The following PTPRM variants were observed in gnomAD, a reference collection of about 807,000 sequenced individuals.
PTPRM encodes the protein receptor-type tyrosine-protein phosphatase mu.
Under a neutral mutation model 186.7 loss-of-function variants are expected in PTPRM, and 47 were observed. The observed-to-expected ratio is 0.25, with a 90% CI of 0.20 to 0.32. PTPRM has a LOEUF of 0.32. Ranked by LOEUF, PTPRM falls within the 10% of genes least tolerant of loss-of-function variation. PTPRM has a pLI of 1.00. For missense variants in PTPRM, 1,494 were observed against 1,865.0 expected (o/e 0.80, Z 3.66); for synonymous variants, 668 against 674.9 (o/e 0.99, Z 0.16).
At chr18:7,956,517 G>A (rs911295754) in intron 7 of PTPRM, among the ~76,000 whole-genome samples, 1 of 152,176 alleles carries the variant, frequency 6.6e-6, no homozygotes, top group Non-Finnish European at 1.5e-5. Flanking sequence ...TGAGTACAGG[G>A]ACTGGCCTGG....
At chr18:7,580,666 A>G (rs1253278129) in intron 1 of PTPRM, among the ~76,000 whole-genome samples, 1 of 152,154 alleles carries the variant, frequency 6.6e-6, no homozygotes, top group Non-Finnish European at 1.5e-5. Context: ...ATTGCCCCCC[A>G]TTTACAAATA....
At chr18:7,899,608 G>A (rs986740515) in intron 3 of PTPRM, among the ~76,000 whole-genome samples, 8 of 152,116 alleles carry the variant, frequency 5.3e-5, no homozygotes, top group African/African-American at 1.9e-4. Flanking sequence ...TCCTAAAAAT[G>A]TTTGTTTCAG....
intron 1 of PTPRM, among the ~76,000 whole-genome samples, chr18:7,703,927 T>C (rs2040020242): frequency 6.6e-6 from 1 of 152,220 alleles, no homozygotes; most frequent in South Asian, 2.1e-4. Context: ...TCTTTTGATA[T>C]AATCATGTGG....
intron 2 of PTPRM, among the ~76,000 whole-genome samples, chr18:7,867,066 C>G (rs1043030582): frequency 5.3e-5 from 8 of 152,106 alleles, no homozygotes; most frequent in African/African-American, 1.4e-4. Context: ...ATTCCTCCAT[C>G]CCTTTATTTT....
In PTPRM at chr18:7,980,317, C is replaced by T. The variant is rs373775882; in HGVS notation, c.1132+24903C>T. On this transcript the variant is annotated intron_variant, in intron 7 of 32. Coordinates refer to ENST00000580170, the MANE Select transcript of PTPRM (RefSeq NM_001105244.2). The stretch of plus-strand genomic sequence containing the variant: ...CCTAGCCTCAGCCACTACTATGGCT[C>T]CTTATTGCACCCATGTTCACTCTGC... Among the ~76,000 whole-genome samples the T allele has an allele frequency of 1.5e-3, 225 of 152,200 alleles. 1 individual carries two copies. The highest frequency in any genetic ancestry group is 5.3e-3 in the African/African-American group (220 of 41,532).
chr18:8,266,824 C>T (rs2094706310), intron 19 of PTPRM, among the ~76,000 whole-genome samples: 1 of 152,028 alleles, frequency 6.6e-6, no homozygotes, highest in African/African-American at 2.4e-5. Context: ...AGGAGAATTG[C>T]TTGAACCCAG....
chr18:8,001,870 T>C, intron 7 of PTPRM, among the ~76,000 whole-genome samples: 1 of 152,208 alleles, frequency 6.6e-6, no homozygotes. Context: ...ATTCTACCAA[T>C]GTTAAGACAT....
chr18:7,851,860 A>C (rs369713077), intron 2 of PTPRM, among the ~76,000 whole-genome samples: 69 of 152,296 alleles, frequency 4.5e-4, no homozygotes, highest in African/African-American at 1.5e-3. Flanking sequence ...TAGAGATTTA[A>C]AATATGTGAC....
chr18:7,930,542 A>G (rs947134756), intron 5 of PTPRM, among the ~76,000 whole-genome samples: 2 of 152,182 alleles, frequency 1.3e-5, no homozygotes, highest in South Asian at 4.1e-4. Flanking sequence ...TGGCAATAAT[A>G]CAACTCTGTT....
At chr18:8,048,396 C>T (rs1380750421) in intron 7 of PTPRM, among the ~76,000 whole-genome samples, 1 of 151,244 alleles carries the variant, frequency 6.6e-6, no homozygotes, top group Non-Finnish European at 1.5e-5. Flanking sequence ...TTTTCCATAG[C>T]ATACCTCCTC....
intron 5 of PTPRM, among the ~76,000 whole-genome samples, chr18:7,947,946 TC>T (rs1180237381): frequency 1.3e-5 from 2 of 152,146 alleles, no homozygotes; most frequent in East Asian, 3.8e-4. Context: ...GATCATGCTA[TC>T]TTGACATAGT....
At chr18:8,361,998 A>G (rs754987067) in intron 23 of PTPRM, among the ~76,000 whole-genome samples, 3 of 152,186 alleles carry the variant, frequency 2.0e-5, no homozygotes, top group Non-Finnish European at 4.4e-5. Context: ...CATCTTGGCA[A>G]CTTGGGAGAC....
intron 1 of PTPRM, among the ~76,000 whole-genome samples, chr18:7,689,616 G>C (rs920778622): frequency 6.6e-6 from 1 of 152,172 alleles, no homozygotes; most frequent in Non-Finnish European, 1.5e-5. Context: ...CATGTGTACT[G>C]TTCTTCCATG....
At chr18:8,286,681 G>A (rs927919119) in intron 19 of PTPRM, among the ~76,000 whole-genome samples, 2 of 152,158 alleles carry the variant, frequency 1.3e-5, no homozygotes, top group Non-Finnish European at 2.9e-5. Flanking sequence ...CCATACAAGT[G>A]TTTGCTTTTA....
intron 1 of PTPRM, among the ~76,000 whole-genome samples, chr18:7,660,502 G>A (rs2038954232): frequency 6.6e-6 from 1 of 152,152 alleles, no homozygotes; most frequent in Admixed American, 6.5e-5. Flanking sequence ...GATCTGGAAT[G>A]TTCCTGCTAC....
At chr18:8,100,148 G>GTGTT in intron 11 of PTPRM, among the ~76,000 whole-genome samples, 1 of 151,986 alleles carries the variant, frequency 6.6e-6, no homozygotes, top group Non-Finnish European at 1.5e-5. Flanking sequence ...GTGTGTGTGT[G>GTGTT]TATGTGTGGA....
At chr18:7,640,114 T>C (rs568022446) in intron 1 of PTPRM, among the ~76,000 whole-genome samples, 1 of 152,200 alleles carries the variant, frequency 6.6e-6, no homozygotes, top group Non-Finnish European at 1.5e-5. Flanking sequence ...ATACTGAGCA[T>C]TGAGGGGGAA....
Position 8,324,463 on chromosome 18 carries a change from C to G in PTPRM, c.2956+5249C>G, listed in dbSNP as rs1311330121. Among the ~76,000 whole-genome samples, 7 of 152,182 alleles carry G rather than the reference C, an allele frequency of 4.6e-5. No individual in the cohort carries two copies. The East Asian group carries it at 1.2e-3, about 25-fold the overall frequency. On this transcript the variant is annotated intron_variant, in intron 22 of 32. Coordinates refer to ENST00000580170, the MANE Select transcript of PTPRM (RefSeq NM_001105244.2). The stretch of plus-strand genomic sequence containing the variant: ...CTCTGAATGACAGAGACTAGAGTAG[C>G]AGGTCCCATAGCTGATGTTTATTTT...
chr18:8,029,127 A>G (rs2085770014), intron 7 of PTPRM, among the ~76,000 whole-genome samples: 1 of 152,152 alleles, frequency 6.6e-6, no homozygotes, highest in Non-Finnish European at 1.5e-5. Context: ...CCTCAAGATC[A>G]GTTTGACCAC....
Sources: gnomAD v4.1 joint callset for allele counts (sites outside exome capture counted in the v4.1 genomes callset) on GRCh38, gnomAD v4.1.1 for gene constraint, MANE v1.5 for transcripts, NCBI Gene and HGNC (gene_info 2026-07-23, HGNC 2026-07-21) for gene names.